Variants in SAMD13 observed in about 807,000 individuals in gnomAD.
SAMD13 encodes sterile alpha motif domain containing 13, also known as sterile alpha motif domain-containing protein 13.
A neutral mutation model predicts 12.4 loss-of-function variants in SAMD13; 9 were observed. The ratio of observed to expected loss-of-function variants is 0.72; its 90% CI spans 0.44 to 1.26. The LOEUF (loss-of-function observed/expected upper bound fraction) is 1.26. Ranked by LOEUF, SAMD13 falls within the 50% of genes most tolerant of loss-of-function variation. The pLI, the probability that SAMD13 is intolerant of heterozygous loss-of-function variation, is 0.00. For synonymous variants in SAMD13, 46 were observed against 45.4 expected, an observed-to-expected ratio of 1.01 and a Z score of -0.05; for missense variants, 84 against 119.6, an observed-to-expected ratio of 0.70 and a Z score of 1.39.
upstream of SAMD13, among the ~76,000 whole-genome samples, chr1:84,300,138 G>C (rs1317508051): frequency 1.3e-5 from 2 of 152,142 alleles, no homozygotes; most frequent in African/African-American, 4.8e-5. Context: ...TTCAGATCAA[G>C]TCCAAAAGCG....
rs181407168 is a variant in SAMD13, at chr1:84,306,006, T to C, written c.53+2719T>C. 2.1e-3 allele frequency among the ~76,000 whole-genome samples: 319 copies of C among 152,348 alleles called. 1 individual carries two copies. The highest frequency in any genetic ancestry group is 3.5e-3 in the Non-Finnish European group (241 of 68,024). ...TTAGCTTGTCAGTTTCCACCAAATT[T>C]TTTTTTGAAAATCTGTTGACATTTT... On this transcript the variant is annotated intron_variant, in intron 2 of 3. Coordinates refer to ENST00000394834, the MANE Select transcript of SAMD13 (RefSeq NM_001134663.2).
chr1:84,334,074 A>G (rs1679247451), intron 3 of SAMD13, among the ~76,000 whole-genome samples: 1 of 152,148 alleles, frequency 6.6e-6, no homozygotes, highest in Non-Finnish European at 1.5e-5. Flanking sequence ...TCATAGAATG[A>G]GTTAAGGAGG....
At chr1:84,330,661 G>A (rs1457791061) in intron 3 of SAMD13, among the ~76,000 whole-genome samples, 1 of 152,096 alleles carries the variant, frequency 6.6e-6, no homozygotes, top group Admixed American at 6.6e-5. Context: ...ACTCAAATTG[G>A]ACCCTAATTG....
intron 3 of SAMD13, among the ~76,000 whole-genome samples, chr1:84,334,554 C>T (rs1285279262): frequency 6.6e-6 from 1 of 152,092 alleles, no homozygotes; most frequent in Non-Finnish European, 1.5e-5. Context: ...GTCTCAGTTT[C>T]ATTCGGTTCA....
At chr1:84,330,089 T>C (rs1679145110) in intron 3 of SAMD13, among the ~76,000 whole-genome samples, 1 of 152,198 alleles carries the variant, frequency 6.6e-6, no homozygotes, top group Non-Finnish European at 1.5e-5. Context: ...ACAAACATTT[T>C]AGGCTGTGGT....
chr1:84,320,077 C>T (rs966873905), intron 2 of SAMD13, among the ~76,000 whole-genome samples: 2 of 152,170 alleles, frequency 1.3e-5, no homozygotes, highest in Non-Finnish European at 2.9e-5. Context: ...ACAACTGACC[C>T]GAGATTATCG....
At chr1:84,315,092 G>C (rs1288844939) in intron 2 of SAMD13, among the ~76,000 whole-genome samples, 4 of 144,286 alleles carry the variant, frequency 2.8e-5, no homozygotes, top group African/African-American at 1.0e-4. Context: ...TTTTAATGTG[G>C]TAAGAACATT....
At chr1:84,309,733 A>G (rs1368729741) in intron 2 of SAMD13, among the ~76,000 whole-genome samples, 1 of 152,202 alleles carries the variant, frequency 6.6e-6, no homozygotes, top group African/African-American at 2.4e-5. Context: ...ACAGAAAAAT[A>G]CCAGAGAAAA....
At chr1:84,307,477 C>G (rs764068449) in intron 2 of SAMD13, among the ~76,000 whole-genome samples, 2 of 152,142 alleles carry the variant, frequency 1.3e-5, no homozygotes, top group Non-Finnish European at 2.9e-5. Context: ...TAATAACTCT[C>G]TCAATCTCCT....
At chr1:84,318,129 G>A (rs1363132828) in intron 2 of SAMD13, among the ~76,000 whole-genome samples, 2 of 151,968 alleles carry the variant, frequency 1.3e-5, no homozygotes, top group East Asian at 3.9e-4. Flanking sequence ...AAAAGCCCAA[G>A]TCTGAGTTGA....
chr1:84,298,652 C>A, upstream of SAMD13: 1 of 1,183,244 alleles, frequency 8.5e-7, no homozygotes, highest in Non-Finnish European at 1.1e-6. Context: ...AAGAATGCCG[C>A]AATGAAAACC....
chr1:84,324,963 T>A (rs1023350748), intron 2 of SAMD13, among the ~76,000 whole-genome samples: 7 of 152,078 alleles, frequency 4.6e-5, no homozygotes, highest in Admixed American at 4.6e-4. Context: ...TGAGAAGTGG[T>A]CCGGGCTCAA....
rs562875671 is a variant in SAMD13, at chr1:84,323,536, G to A, written c.54-2101G>A. On this transcript the variant is annotated intron_variant, in intron 2 of 3. Transcript: ENST00000394834. ...TTGGCTTTAGGTGTTTTTAAATTAG[G>A]TGCTGTTGAGAAATTAACGATCACA... Among the ~76,000 whole-genome samples, 13 of 152,232 alleles carry A rather than the reference G, an allele frequency of 8.5e-5. 1 individual carries two copies. The South Asian group carries it at 1.7e-3, about 19-fold the overall frequency.
chr1:84,346,812 G>A (rs186374079), intron 3 of SAMD13, among the ~76,000 whole-genome samples: 1 of 152,298 alleles, frequency 6.6e-6, no homozygotes, highest in Admixed American at 6.5e-5. Flanking sequence ...AATGTTTTAT[G>A]TAGTCTTTGA....
At chr1:84,326,558 C>G (rs1679064333) in intron 3 of SAMD13, among the ~76,000 whole-genome samples, 1 of 152,108 alleles carries the variant, frequency 6.6e-6, no homozygotes, top group South Asian at 2.1e-4. Context: ...GGGGCTTTGA[C>G]CTGAGGAGGC....
intron 3 of SAMD13, among the ~76,000 whole-genome samples, chr1:84,341,406 A>C (rs942460348): frequency 4.2e-4 from 64 of 152,184 alleles, no homozygotes; most frequent in Non-Finnish European, 4.4e-4. Flanking sequence ...CAAGGATAAC[A>C]AAAGAACAGT....
intron 2 of SAMD13, among the ~76,000 whole-genome samples, chr1:84,310,945 A>G (rs545187678): frequency 6.6e-6 from 1 of 152,290 alleles, no homozygotes; most frequent in South Asian, 2.1e-4. Context: ...CTCTTTAGCT[A>G]GGTCACAAGT....
intron 2 of SAMD13, among the ~76,000 whole-genome samples, chr1:84,309,928 A>G (rs995127997): frequency 1.3e-5 from 2 of 152,174 alleles, no homozygotes; most frequent in Non-Finnish European, 1.5e-5. Flanking sequence ...TATGGATAGG[A>G]TATAATGCTA....
intron 3 of SAMD13, 140 bp from the exon 4 acceptor site, chr1:84,349,491 C>T (rs1679603563): frequency 7.2e-7 from 1 of 1,397,114 alleles, no homozygotes; most frequent in Non-Finnish European, 9.5e-7. Flanking sequence ...TGCATTTTTT[C>T]CATTTTGGCA....
Sources: gnomAD v4.1 joint callset for allele counts (sites outside exome capture counted in the v4.1 genomes callset) on GRCh38, gnomAD v4.1.1 for gene constraint, MANE v1.5 for transcripts, NCBI Gene and HGNC (gene_info 2026-07-23, HGNC 2026-07-21) for gene names.